The following FBXO31 variants were observed in gnomAD, a reference collection of about 807,000 sequenced individuals.
FBXO31 encodes F-box only protein 31.
Under a neutral mutation model 54.4 loss-of-function variants are expected in FBXO31, and 24 were observed. That is an observed-to-expected ratio of 0.44 (90% CI 0.32 to 0.62). FBXO31 has a LOEUF of 0.62. Among genes scored for constraint, FBXO31 ranks in the 20% least tolerant of loss-of-function variants. The pLI, the probability that FBXO31 is intolerant of heterozygous loss-of-function variation, is 0.05. For missense variants in FBXO31, 665 were observed against 787.1 expected (o/e 0.84, Z 1.86); for synonymous variants, 388 against 335.6 (o/e 1.16, Z -1.71).
intron 1 of FBXO31, among the ~76,000 whole-genome samples, chr16:87,372,044 C>A (rs1386136560): frequency 6.6e-6 from 1 of 151,998 alleles, no homozygotes; most frequent in Non-Finnish European, 1.5e-5. Flanking sequence ...GACAACATGG[C>A]AAAACCCCAT....
chr16:87,390,317 A>T (rs1907481606), upstream of FBXO31, among the ~76,000 whole-genome samples: 1 of 152,210 alleles, frequency 6.6e-6, no homozygotes, highest in Non-Finnish European at 1.5e-5. Context: ...TGGTGTAATA[A>T]AGAACTACAA....
intron 1 of FBXO31, among the ~76,000 whole-genome samples, chr16:87,365,015 ATATAT>A (rs1906297824): frequency 1.8e-5 from 1 of 54,782 alleles, no homozygotes; most frequent in Non-Finnish European, 4.9e-5. Context: ...TCTTAAATAT[ATATAT>A]ATATATATAT....
chr16:87,352,746 G>A lies in FBXO31; in HGVS notation c.413-5496C>T, dbSNP rs919237120. 3.9e-5 allele frequency among the ~76,000 whole-genome samples: 6 copies of A among 152,248 alleles called. 1 individual carries two copies. Among genetic ancestry groups the A allele is most frequent in the African/African-American group, 1.4e-4 (6 of 41,462 alleles). ...AGGTCAACTCATTCCTCTAATTCCA[G>A]GCACTGAAAGAAGGCATCTATCTGC... On this transcript the variant is annotated intron_variant, in intron 2 of 8. Transcript: ENST00000311635.
At chr16:87,362,237 T>C (rs1906164884) in intron 1 of FBXO31, among the ~76,000 whole-genome samples, 1 of 152,204 alleles carries the variant, frequency 6.6e-6, no homozygotes, top group East Asian at 1.9e-4. Context: ...GTAAAATTCA[T>C]GGTAATATTT....
chr16:87,381,376 T>C (rs1011899845), intron 1 of FBXO31, among the ~76,000 whole-genome samples: 2 of 151,962 alleles, frequency 1.3e-5, no homozygotes, highest in Non-Finnish European at 2.9e-5. Flanking sequence ...CTAGCTACCA[T>C]TTAGGGGAGA....
intron 1 of FBXO31, 114 bp from the exon 2 acceptor site, chr16:87,360,480 C>G: frequency 1.3e-6 from 1 of 797,370 alleles, no homozygotes; most frequent in Non-Finnish European, 2.1e-6. Context: ...AGCCCCATCT[C>G]CAGAGTGCAT....
At chr16:87,364,449 G>A (rs1451240100) in intron 1 of FBXO31, among the ~76,000 whole-genome samples, 2 of 152,228 alleles carry the variant, frequency 1.3e-5, no homozygotes, top group African/African-American at 2.4e-5. Context: ...CCAGACCTGG[G>A]CCAGTTCGCG....
At chr16:87,384,725 C>T (rs142061088), upstream of FBXO31, among the ~76,000 whole-genome samples, 352 of 152,350 alleles carry the variant, frequency 2.3e-3, 2 homozygotes, top group African/African-American at 8.1e-3. Context: ...TACAGCGAGA[C>T]CCTGTCTACA....
intron 5 of FBXO31, among the ~76,000 whole-genome samples, chr16:87,339,796 A>G (rs1164716505): frequency 1.3e-5 from 2 of 152,216 alleles, no homozygotes; most frequent in Admixed American, 6.5e-5. Context: ...AATAAACAAG[A>G]TGAGCCGGGA....
chr16:87,327,806 A>G lies in FBXO31; in HGVS notation c.*3482T>C, dbSNP rs1333753760. On this transcript the variant is annotated 3_prime_UTR_variant, in exon 9 of 9. Transcript: ENST00000311635. ...GGCCACGTTAACACTGGACTTGATC[A>G]TGATTCCAGGAGTTTTATTCTCAGG... The G allele has an allele frequency of 2.0e-5, 3 of 152,204 alleles. No homozygotes were observed. Among genetic ancestry groups the G allele is most frequent in the Admixed American group, 6.5e-5 (1 of 15,278 alleles). 9.4% of individuals were successfully genotyped at this position (152,204 alleles called of 1,614,324 possible).
intron 1 of FBXO31, among the ~76,000 whole-genome samples, chr16:87,372,056 T>A (rs1906626115): frequency 6.6e-6 from 1 of 152,056 alleles, no homozygotes; most frequent in Non-Finnish European, 1.5e-5. Context: ...AAACCCCATT[T>A]CTACTAAAAA....
chr16:87,331,627 G>T, intron 8 of FBXO31, 117 bp from the exon 9 acceptor site: 1 of 864,730 alleles, frequency 1.2e-6, no homozygotes, highest in Admixed American at 2.6e-5. Context: ...CTGTTCATCA[G>T]CCAGAAGCTG....
chr16:87,360,463 T>C (rs1668314899), intron 1 of FBXO31, 97 bp from the exon 2 acceptor site: 2 of 977,374 alleles, frequency 2.0e-6, no homozygotes, highest in Non-Finnish European at 1.6e-6. Context: ...GGTGCACACC[T>C]AGCCTCAGCC....
chr16:87,374,447 C>T (rs980912230), intron 1 of FBXO31, among the ~76,000 whole-genome samples: 1 of 152,126 alleles, frequency 6.6e-6, no homozygotes, highest in African/African-American at 2.4e-5. Flanking sequence ...TTGGGTACTG[C>T]ACTGAAAGTG....
At chr16:87,375,347 C>T (rs1042637793) in intron 1 of FBXO31, among the ~76,000 whole-genome samples, 1 of 151,392 alleles carries the variant, frequency 6.6e-6, no homozygotes, top group African/African-American at 2.4e-5. Flanking sequence ...CAAAAATTAG[C>T]TGGGCATGGT....
At chr16:87,337,359 C>T (rs960154397) in intron 5 of FBXO31, among the ~76,000 whole-genome samples, 27 of 152,342 alleles carry the variant, frequency 1.8e-4, no homozygotes, top group African/African-American at 6.3e-4. Context: ...AAGAGCACTT[C>T]TCTCCAGATT....
In FBXO31 at chr16:87,336,317, G is replaced by T; in HGVS notation, c.733-53C>A. On this transcript the variant is annotated intron_variant, in intron 5 of 8. Transcript: ENST00000311635. This position sits in a 1 kb window ranked among gnomAD's most constrained non-coding sequence, Gnocchi z 6.5. The stretch of plus-strand genomic sequence containing the variant: ...TCCATATGACAGGAGGCTGTGAAGA[G>T]GCTGCCGGCTGTGCCGCTGAGAGGA... 1 of 1,530,498 alleles carries T rather than the reference G, an allele frequency of 6.5e-7. No homozygotes were observed. The highest frequency in any genetic ancestry group is 9.0e-7 in the Non-Finnish European group (1 of 1,108,126). The allele number at this position is 1,530,498 out of a possible 1,614,324, so 94.8% of individuals were successfully genotyped here.
chr16:87,369,220 T>C (rs1389983929), intron 1 of FBXO31, among the ~76,000 whole-genome samples: 3 of 152,166 alleles, frequency 2.0e-5, no homozygotes, highest in East Asian at 3.8e-4. Flanking sequence ...TTTTACCCAC[T>C]GTTGACTGTA....
intron 2 of FBXO31, among the ~76,000 whole-genome samples, chr16:87,354,535 G>A (rs947081726): frequency 2.0e-5 from 3 of 151,576 alleles, no homozygotes; most frequent in Admixed American, 6.6e-5. Flanking sequence ...AGATGTATCA[G>A]ATCTGCTGTC....
Sources: gnomAD v4.1 joint callset for allele counts (sites outside exome capture counted in the v4.1 genomes callset) on GRCh38, gnomAD v4.1.1 for gene constraint, Gnocchi (gnomAD v3.1) non-coding constraint, MANE v1.5 for transcripts, NCBI Gene and HGNC (gene_info 2026-07-23, HGNC 2026-07-21) for gene names.